OCA2: variants seen among roughly 807,000 people sequenced by gnomAD.
OCA2 encodes the protein OCA2 melanosomal transmembrane protein.
Under a neutral mutation model 100.2 loss-of-function variants are expected in OCA2, and 77 were observed. That is an observed-to-expected ratio of 0.77 (90% CI 0.64 to 0.93). OCA2 has a LOEUF of 0.93. OCA2 is among the 40% of genes least tolerant of loss of function. The pLI, the probability that OCA2 is intolerant of heterozygous loss-of-function variation, is 0.00. For missense variants in OCA2, 1,062 were observed against 1,089.1 expected, an observed-to-expected ratio of 0.98 and a Z score of 0.35; for synonymous variants, 432 against 439.2, an observed-to-expected ratio of 0.98 and a Z score of 0.21.
At chr15:28,062,686 A>G (rs757276803) in intron 2 of OCA2, among the ~76,000 whole-genome samples, 1 of 152,194 alleles carries the variant, frequency 6.6e-6, no homozygotes, top group African/African-American at 2.4e-5. Context: ...TTATAGTTTT[A>G]GAACTTGCAT....
At chr15:27,766,986 C>T (rs921848014) in intron 23 of OCA2, among the ~76,000 whole-genome samples, 1 of 152,220 alleles carries the variant, frequency 6.6e-6, no homozygotes, top group African/African-American at 2.4e-5. Context: ...CCTTCCCTGG[C>T]CCCTTCTTCG....
intron 4 of OCA2, among the ~76,000 whole-genome samples, chr15:28,027,222 C>G (rs139905675): frequency 1.3e-5 from 2 of 152,218 alleles, no homozygotes; most frequent in East Asian, 1.9e-4. Context: ...TAGGCCTACA[C>G]ACGCATGCGT....
chr15:27,770,856 TTC>T (rs1595381318), intron 23 of OCA2, among the ~76,000 whole-genome samples: 39 of 84,482 alleles, frequency 4.6e-4, no homozygotes, highest in African/African-American at 1.7e-3. Flanking sequence ...CTTCCTTCCT[TTC>T]TTCCTTCCTT....
At chr15:27,721,092 A>G in the OCA2 span, among the ~76,000 whole-genome samples, 1 of 152,196 alleles carries the variant, frequency 6.6e-6, no homozygotes, top group African/African-American at 2.4e-5. Context: ...TTAATACTTT[A>G]AATACTTGTG....
intron 19 of OCA2, among the ~76,000 whole-genome samples, chr15:27,885,889 C>T (rs570257174): frequency 6.6e-6 from 1 of 152,122 alleles, no homozygotes; most frequent in South Asian, 2.1e-4. Flanking sequence ...TTTATATATT[C>T]ATATATTTGC....
chr15:28,092,606 GCCT>G (rs2044889388), intron 1 of OCA2, among the ~76,000 whole-genome samples: 1 of 152,186 alleles, frequency 6.6e-6, no homozygotes, highest in African/African-American at 2.4e-5. Context: ...TCTCACCTTA[GCCT>G]CCCAAAGTCC....
chr15:27,840,681 A>G (rs576104715), intron 23 of OCA2, among the ~76,000 whole-genome samples: 2 of 152,320 alleles, frequency 1.3e-5, no homozygotes, highest in South Asian at 4.1e-4. Flanking sequence ...ATTGCACCAA[A>G]CGGTGCTAGA....
At chr15:27,798,653 A>C (rs1348511820) in intron 23 of OCA2, among the ~76,000 whole-genome samples, 2 of 152,198 alleles carry the variant, frequency 1.3e-5, no homozygotes, top group East Asian at 1.9e-4. Context: ...AAAAAAAAAA[A>C]CTTTCTGTCA....
chr15:27,772,840 C>CA (rs55814100), intron 23 of OCA2, among the ~76,000 whole-genome samples: 2,324 of 122,748 alleles, frequency 0.019, 45 homozygotes, highest in Middle Eastern at 0.062. Flanking sequence ...GACTCTATCT[C>CA]AAAAAAAAAA....
At chr15:27,805,445 G>A (rs1185563014) in intron 23 of OCA2, among the ~76,000 whole-genome samples, 2 of 152,218 alleles carry the variant, frequency 1.3e-5, no homozygotes, top group African/African-American at 2.4e-5. Context: ...GCTGCACACC[G>A]CGGGGACCCG....
At chr15:28,079,465 GC>G (rs1283103212) in intron 2 of OCA2, among the ~76,000 whole-genome samples, 3 of 152,112 alleles carry the variant, frequency 2.0e-5, no homozygotes, top group Non-Finnish European at 2.9e-5. Flanking sequence ...GTTTCAGGGG[GC>G]TCACCTAGGG....
At chr15:27,833,036 G>A (rs1469950489) in intron 23 of OCA2, among the ~76,000 whole-genome samples, 1 of 151,730 alleles carries the variant, frequency 6.6e-6, no homozygotes, top group Non-Finnish European at 1.5e-5. Flanking sequence ...GGCTGGTCTC[G>A]AACTCCTGAC....
the OCA2 span, among the ~76,000 whole-genome samples, chr15:27,746,420 C>T: frequency 2.6e-4 from 40 of 152,162 alleles, no homozygotes; most frequent in African/African-American, 7.7e-4. Context: ...GAGATCGTGC[C>T]GCTGCACTCC....
chr15:27,932,326 C>T (rs2039281970), intron 18 of OCA2, among the ~76,000 whole-genome samples: 1 of 152,182 alleles, frequency 6.6e-6, no homozygotes, highest in African/African-American at 2.4e-5. Context: ...AGGAAAATGG[C>T]AGGCATTGTT....
intron 9 of OCA2, among the ~76,000 whole-genome samples, chr15:28,009,256 C>T (rs1248329344): frequency 6.6e-6 from 1 of 152,198 alleles, no homozygotes; most frequent in African/African-American, 2.4e-5. Flanking sequence ...GTTGGGTTTT[C>T]ACAAGTTGTT....
intron 23 of OCA2, among the ~76,000 whole-genome samples, chr15:27,831,284 CAA>C (rs71132824): frequency 1.9e-3 from 116 of 62,624 alleles, no homozygotes; most frequent in South Asian, 7.6e-3. Flanking sequence ...GACTCCGTCT[CAA>C]AAAAAAAAAA....
At chr15:28,070,127 G>A (rs1230646171) in intron 2 of OCA2, among the ~76,000 whole-genome samples, 4 of 114,412 alleles carry the variant, frequency 3.5e-5, no homozygotes, top group African/African-American at 1.7e-4. Flanking sequence ...GTCTCTGCCC[G>A]GCCGCCCCGT....
intron 2 of OCA2, among the ~76,000 whole-genome samples, chr15:28,036,384 G>A (rs1236826292): frequency 6.6e-6 from 1 of 152,160 alleles, no homozygotes; most frequent in Non-Finnish European, 1.5e-5. Context: ...ATTACTCCCT[G>A]TTTCAGTTAC....
chr15:28,075,873 T>TTGATG (rs2044413122), intron 2 of OCA2, among the ~76,000 whole-genome samples: 2 of 152,226 alleles, frequency 1.3e-5, no homozygotes, highest in Non-Finnish European at 2.9e-5. Flanking sequence ...GGTTAACAAG[T>TTGATG]GCTGACGGGA....
Sources: allele counts gnomAD v4.1 joint callset (sites outside exome capture counted in the v4.1 genomes callset), GRCh38; gene constraint gnomAD v4.1.1; transcripts MANE v1.5; gene names NCBI Gene and HGNC (gene_info 2026-07-23, HGNC 2026-07-21).